Variants in ZPBP observed in about 807,000 individuals in gnomAD.
ZPBP encodes zona pellucida-binding protein 1.
In ZPBP, 26 loss-of-function variants were observed where a neutral mutation model predicts 44.8. The ratio of observed to expected loss-of-function variants is 0.58; its 90% CI spans 0.43 to 0.81. The LOEUF (loss-of-function observed/expected upper bound fraction) is 0.81, where lower values mean the gene tolerates loss of function less well. Among genes scored for constraint, ZPBP ranks in the 30% least tolerant of loss-of-function variants. ZPBP has a pLI of 0.00. For missense variants in ZPBP, 409 were observed against 434.0 expected (o/e 0.94, Z 0.51); for synonymous variants, 174 against 153.2 (o/e 1.14, Z -1.00).
intron 4 of ZPBP, among the ~76,000 whole-genome samples, chr7:50,037,870 T>C (rs1799891391): frequency 6.6e-6 from 1 of 152,074 alleles, no homozygotes; most frequent in Non-Finnish European, 1.5e-5. Context: ...TAATAGACTA[T>C]CTCCCAGGAA....
chr7:49,948,871 T>C (rs1349632123), intron 7 of ZPBP, among the ~76,000 whole-genome samples: 1 of 152,166 alleles, frequency 6.6e-6, no homozygotes, highest in Non-Finnish European at 1.5e-5. Flanking sequence ...TCTGGGTATA[T>C]GCTCAAAAGA....
At chr7:49,907,514 A>G (rs913807607) in intron 1 of ZPBP, among the ~76,000 whole-genome samples, 1 of 152,228 alleles carries the variant, frequency 6.6e-6, no homozygotes, top group African/African-American at 2.4e-5. Context: ...GTCAACAAAA[A>G]GAGTCAAACT....
At chr7:49,947,859 A>C (rs1466916386) in intron 7 of ZPBP, among the ~76,000 whole-genome samples, 1 of 152,204 alleles carries the variant, frequency 6.6e-6, no homozygotes, top group Non-Finnish European at 1.5e-5. Context: ...AAGGACTGGA[A>C]TCTACCTGGT....
intron 4 of ZPBP, among the ~76,000 whole-genome samples, chr7:50,050,000 T>C (rs1220110169): frequency 6.6e-6 from 1 of 151,730 alleles, no homozygotes; most frequent in East Asian, 1.9e-4. Flanking sequence ...ACATGTGTAA[T>C]TAAAAGTTTA....
At chr7:50,011,311 T>G (rs1037330452) in intron 6 of ZPBP, among the ~76,000 whole-genome samples, 1 of 152,016 alleles carries the variant, frequency 6.6e-6, no homozygotes, top group Non-Finnish European at 1.5e-5. Flanking sequence ...AGGCAAAGAG[T>G]TCATGACGAT....
chr7:49,960,172 C>A (rs888090883), intron 7 of ZPBP, among the ~76,000 whole-genome samples: 2 of 152,106 alleles, frequency 1.3e-5, no homozygotes, highest in Non-Finnish European at 2.9e-5. Context: ...GTAATCCCAG[C>A]ACTTTAGGAG....
intron 2 of ZPBP, among the ~76,000 whole-genome samples, chr7:49,880,839 T>G (rs931768177): frequency 6.6e-6 from 1 of 152,088 alleles, no homozygotes; most frequent in Admixed American, 6.6e-5. Flanking sequence ...GGGAAGCTCT[T>G]CATTTTTGCC....
intron 3 of ZPBP, among the ~76,000 whole-genome samples, chr7:50,073,477 T>C (rs1272180067): frequency 6.6e-6 from 1 of 151,818 alleles, no homozygotes. Flanking sequence ...AAGATAAGGG[T>C]AGAAAGTTTA....
intron 4 of ZPBP, among the ~76,000 whole-genome samples, chr7:50,048,194 A>G (rs986323158): frequency 1.3e-5 from 2 of 152,166 alleles, no homozygotes; most frequent in African/African-American, 4.8e-5. Context: ...TTATTATGAT[A>G]AAAAGGTCAG....
intron 3 of ZPBP, 125 bp from the exon 4 acceptor site, chr7:50,058,266 G>A: frequency 1.0e-6 from 1 of 970,984 alleles, no homozygotes; most frequent in Non-Finnish European, 1.6e-6. Flanking sequence ...GGGGGGCATA[G>A]CTAGGACATT....
Position 50,090,560 on chromosome 7 carries a change from CAT to C in ZPBP, c.128-853_128-852del, listed in dbSNP as rs760427660. ...GTGTATATATGTGTGCATATATATG[CAT>C]ATATATGTGTATATATTTGTGTATA... On this transcript the variant is annotated intron_variant, in intron 1 of 7. Transcript: ENST00000046087. Among the ~76,000 whole-genome samples the C allele has an allele frequency of 4.3e-4, 65 of 149,568 alleles. 1 individual carries two copies. The highest frequency in any genetic ancestry group is 1.7e-3 in the South Asian group (8 of 4,732).
chr7:50,065,652 T>A (rs1336271317), intron 3 of ZPBP, among the ~76,000 whole-genome samples: 1 of 150,846 alleles, frequency 6.6e-6, no homozygotes, highest in African/African-American at 2.5e-5. Context: ...TGGTCTCCCA[T>A]TTTTGTTTCT....
intron 6 of ZPBP, among the ~76,000 whole-genome samples, chr7:50,011,045 C>G (rs1455211001): frequency 6.6e-6 from 1 of 152,000 alleles, no homozygotes; most frequent in South Asian, 2.1e-4. Context: ...AATACAGAAC[C>G]CAGAAATAAA....
chr7:50,069,767 C>G (rs187039739), intron 3 of ZPBP, among the ~76,000 whole-genome samples: 1 of 152,082 alleles, frequency 6.6e-6, no homozygotes, highest in Non-Finnish European at 1.5e-5. Flanking sequence ...ATCCACCAGA[C>G]GGGGTCCTAT....
chr7:49,865,127 A>G (rs1790824912), intron 2 of ZPBP, among the ~76,000 whole-genome samples: 1 of 152,166 alleles, frequency 6.6e-6, no homozygotes, highest in African/African-American at 2.4e-5. Context: ...TAAAGATGTA[A>G]TTGATTTTGT....
chr7:50,022,512 C>G (rs1184817323), intron 5 of ZPBP, among the ~76,000 whole-genome samples: 1 of 151,472 alleles, frequency 6.6e-6, no homozygotes, highest in Non-Finnish European at 1.5e-5. Context: ...AAGAAAACAA[C>G]TAAAATATAT....
intron 7 of ZPBP, among the ~76,000 whole-genome samples, chr7:49,975,619 A>G (rs1796478795): frequency 6.6e-6 from 1 of 152,180 alleles, no homozygotes; most frequent in African/African-American, 2.4e-5. Context: ...TTGGATAAAA[A>G]TTCTCATTGT....
At position 49,983,479 on chromosome 7, in the gene ZPBP, T is replaced by G. The variant is rs780310818; in HGVS notation, c.824A>C (p.Glu275Ala). ...LIERFFNQQV[E>A]ILGRRAEQLP... Reference sequence around the variant, plus strand: ...TTGTTCTGCACGTCTGCCAAGAATTTCTACTTGTTGATTAAAAAATCTCTC... The same window carrying G: ...TTGTTCTGCACGTCTGCCAAGAATTGCTACTTGTTGATTAAAAAATCTCTC... Residue 275 changes from glutamate (E) to alanine (A), a missense_variant, in exon 7 of 8, where the codon GAA (glutamate) becomes GCA (alanine). Physicochemically the swap from Glu to Ala is moderately radical, Grantham distance 107. This residue lies in a region of ZPBP where 367 missense variants were observed against 363.1 expected (regional missense o/e 1.01). Coordinates refer to ENST00000046087, the MANE Select transcript of ZPBP (RefSeq NM_007009.3). 1.2e-6 allele frequency: 2 copies of G among 1,610,026 alleles called. No individual in the cohort carries two copies. The highest frequency in any genetic ancestry group is 3.3e-5 in the Admixed American group (2 of 59,786).
chr7:50,055,872 T>C (rs1289912980), intron 4 of ZPBP, among the ~76,000 whole-genome samples: 2 of 152,176 alleles, frequency 1.3e-5, no homozygotes, highest in African/African-American at 4.8e-5. Flanking sequence ...CTGAAGTACA[T>C]TTATTATAAG....
Sources: allele counts gnomAD v4.1 joint callset (sites outside exome capture counted in the v4.1 genomes callset), GRCh38; gene constraint gnomAD v4.1.1; regional missense constraint gnomAD v4.1.1; transcripts MANE v1.5; gene names NCBI Gene and HGNC (gene_info 2026-07-23, HGNC 2026-07-21).